KDM2A: variants seen among roughly 807,000 people sequenced by gnomAD.
KDM2A encodes the protein lysine-specific demethylase 2A.
KDM2A carries 3 observed loss-of-function variants against 137.3 expected under a neutral mutation model. The ratio of observed to expected loss-of-function variants is 0.02; its 90% CI spans 0.01 to 0.06. KDM2A has a LOEUF of 0.06. KDM2A is among the 10% of genes least tolerant of loss of function. The pLI is 1.00. For missense variants in KDM2A, 738 were observed against 1,510.6 expected, an observed-to-expected ratio of 0.49 and a Z score of 8.48; for synonymous variants, 512 against 541.5, an observed-to-expected ratio of 0.95 and a Z score of 0.76.
rs760984462 is a variant in KDM2A, at chr11:67,250,518, C to A, written c.2488C>A (p.Arg830Ser). The A allele has an allele frequency of 6.2e-7, 1 of 1,614,032 alleles. No individual in the cohort carries two copies. Among genetic ancestry groups the A allele is most frequent in the Non-Finnish European group, 8.5e-7 (1 of 1,179,900 alleles). ...CATCACGGCCTCCTCTGCCAACCTTCGCCATTCCCCCCGTGTGCTAGTGCA... is the reference window on the plus strand; with the variant it reads ...CATCACGGCCTCCTCTGCCAACCTTAGCCATTCCCCCCGTGTGCTAGTGCA... The part of the protein sequence containing the change: ...QAITASSANL[R>S]HSPRVLVQHC... The change falls in exon 17 of 21, where the codon CGC (arginine) becomes AGC (serine). Residue 830 changes from arginine to serine, a missense_variant. This residue lies in a region of KDM2A where 244 missense variants were observed against 324.6 expected (regional missense o/e 0.75). Coordinates refer to ENST00000529006, the MANE Select transcript of KDM2A (RefSeq NM_012308.3). This position sits in a 1 kb window ranked among gnomAD's most constrained non-coding sequence, Gnocchi z 7.1.
At chr11:67,191,456 T>C (rs969335346) in intron 5 of KDM2A, among the ~76,000 whole-genome samples, 3 of 152,196 alleles carry the variant, frequency 2.0e-5, no homozygotes, top group African/African-American at 7.2e-5. Context: ...AACAAAATAC[T>C]TGCATACTAA....
At chr11:67,169,759 C>CTCTT (rs756503460) in intron 2 of KDM2A, among the ~76,000 whole-genome samples, 1 of 65,696 alleles carries the variant, frequency 1.5e-5, no homozygotes, top group African/African-American at 8.2e-5. Flanking sequence ...CTCTCTCTCT[C>CTCTT]TTTTTTTTTT....
chr11:67,215,242 T>C, intron 6 of KDM2A, 98 bp from the exon 7 acceptor site: 1 of 671,422 alleles, frequency 1.5e-6, no homozygotes, highest in Non-Finnish European at 2.5e-6. Context: ...TAGTTTTTTG[T>C]TATGTATTTT....
chr11:67,167,959 A>T (rs979497586), intron 2 of KDM2A, among the ~76,000 whole-genome samples: 1 of 152,164 alleles, frequency 6.6e-6, no homozygotes, highest in Non-Finnish European at 1.5e-5. Context: ...TAGGGACAAA[A>T]AGTTTTATAT....
chr11:67,245,467 T>A lies in KDM2A; in HGVS notation c.1833+9T>A. On this transcript the variant is annotated intron_variant, in intron 14 of 20. Coordinates refer to ENST00000529006, the MANE Select transcript of KDM2A (RefSeq NM_012308.3). This position sits in a 1 kb window ranked among gnomAD's most constrained non-coding sequence, Gnocchi z 4.1. Reference sequence around the variant, plus strand: ...TCCGACAGTGCTTGGCAGTGAGTGATCTGCTGGGTAAAGAATTTTGGGGAG... The same window carrying A: ...TCCGACAGTGCTTGGCAGTGAGTGAACTGCTGGGTAAAGAATTTTGGGGAG... 6.2e-7 allele frequency: 1 copy of A among 1,611,548 alleles called. No individual in the cohort carries two copies. The highest frequency in any genetic ancestry group is 8.5e-7 in the Non-Finnish European group (1 of 1,178,626).
chr11:67,135,512 G>A (rs1855953449), intron 2 of KDM2A, among the ~76,000 whole-genome samples: 1 of 152,166 alleles, frequency 6.6e-6, no homozygotes, highest in Non-Finnish European at 1.5e-5. Context: ...AGCTGGTTGT[G>A]GCCCTCAGCC....
At chr11:67,214,752 G>A (rs1258665330) in intron 6 of KDM2A, among the ~76,000 whole-genome samples, 1 of 152,220 alleles carries the variant, frequency 6.6e-6, no homozygotes, top group Non-Finnish European at 1.5e-5. Flanking sequence ...GATTGCAGGT[G>A]TGAGCCACTG....
chr11:67,158,097 T>C (rs1460644288), intron 2 of KDM2A, among the ~76,000 whole-genome samples: 3 of 150,700 alleles, frequency 2.0e-5, no homozygotes, highest in Non-Finnish European at 2.9e-5. Context: ...GCACCACTTA[T>C]TCATCCCCTT....
chr11:67,167,636 A>G (rs1467990401), intron 2 of KDM2A, among the ~76,000 whole-genome samples: 3 of 151,712 alleles, frequency 2.0e-5, no homozygotes, highest in Non-Finnish European at 2.9e-5. Context: ...TTTTTTAATC[A>G]AGAGACTTAG....
chr11:67,218,428 A>G (rs1858234923), intron 9 of KDM2A, among the ~76,000 whole-genome samples: 1 of 152,206 alleles, frequency 6.6e-6, no homozygotes, highest in South Asian at 2.1e-4. Flanking sequence ...ATAAATGAGA[A>G]CACATGTAAA....
intron 8 of KDM2A, among the ~76,000 whole-genome samples, chr11:67,217,098 T>A (rs562235535): frequency 9.9e-5 from 15 of 151,402 alleles, no homozygotes; most frequent in African/African-American, 3.6e-4. Flanking sequence ...AAAAATTAGC[T>A]GGGTGTGGTG....
At chr11:67,147,320 G>A (rs1565377607) in intron 2 of KDM2A, among the ~76,000 whole-genome samples, 1 of 151,924 alleles carries the variant, frequency 6.6e-6, no homozygotes, top group South Asian at 2.1e-4. Flanking sequence ...AGGCGGGCCA[G>A]TCATGAGGTC....
In KDM2A at chr11:67,184,736, C is replaced by T. The variant is rs116369021; in HGVS notation, c.307+2844C>T. Among the ~76,000 whole-genome samples, 103 of 152,230 alleles carry T rather than the reference C, an allele frequency of 6.8e-4. 3 individuals carry two copies. The highest frequency in any genetic ancestry group is 2.2e-3 in the African/African-American group (93 of 41,542). On this transcript the variant is annotated intron_variant, in intron 5 of 20. Coordinates refer to ENST00000529006, the MANE Select transcript of KDM2A (RefSeq NM_012308.3). ...AGACTAGCACATTCAGAATAGGAAGCGACTGCATATGCACATGGACGGTCA... is the reference window on the plus strand; with the variant it reads ...AGACTAGCACATTCAGAATAGGAAGTGACTGCATATGCACATGGACGGTCA...
chr11:67,219,863 T>A (rs889827349), intron 10 of KDM2A, among the ~76,000 whole-genome samples: 1 of 152,132 alleles, frequency 6.6e-6, no homozygotes, highest in Non-Finnish European at 1.5e-5. Flanking sequence ...ATAAAAATTT[T>A]AACACGATTT....
chr11:67,167,251 TC>T (rs996298782), intron 2 of KDM2A, among the ~76,000 whole-genome samples: 5 of 152,212 alleles, frequency 3.3e-5, no homozygotes, highest in Admixed American at 3.3e-4. Context: ...CTTATCCTCA[TC>T]TTGAATTGAT....
At position 67,250,876 on chromosome 11, in the gene KDM2A, C is replaced by T. The variant is rs574127117; in HGVS notation, c.2768+78C>T. On this transcript the variant is annotated intron_variant, in intron 17 of 20. Coordinates refer to ENST00000529006, the MANE Select transcript of KDM2A (RefSeq NM_012308.3). The surrounding 1 kb of genome is among the most constrained non-coding windows in gnomAD (Gnocchi z 7.1). ...GTTTTCCATATGAGAACAGCATGCA[C>T]CTTGGCATCTGAAAGCCTGTGGGGT... 9.2e-7 allele frequency: 1 copy of T among 1,091,416 alleles called. No homozygotes were observed. Among genetic ancestry groups the T allele is most frequent in the South Asian group, 1.6e-5 (1 of 63,712 alleles). The allele number at this position is 1,091,416 out of a possible 1,614,324, so 67.6% of individuals were successfully genotyped here.
intron 2 of KDM2A, among the ~76,000 whole-genome samples, chr11:67,159,682 T>C (rs1223089310): frequency 6.6e-6 from 1 of 152,144 alleles, no homozygotes; most frequent in East Asian, 1.9e-4. Flanking sequence ...CACAGAAATA[T>C]TTGACTCAAT....
At chr11:67,227,055 A>T (rs1858568589) in intron 10 of KDM2A, among the ~76,000 whole-genome samples, 1 of 152,188 alleles carries the variant, frequency 6.6e-6, no homozygotes, top group Non-Finnish European at 1.5e-5. Flanking sequence ...CTGGACTGTG[A>T]TATATCTAAA....
At position 67,191,355 on chromosome 11, in the gene KDM2A, G is replaced by A. The variant is rs1857350100; in HGVS notation, c.307+9463G>A. On this transcript the variant is annotated intron_variant, in intron 5 of 20. Transcript: ENST00000529006. ...AACACTTCTTAAGTCTTTCTGTGAG[G>A]CCAGCATTACCCTGATACCAAAGCG... Among the ~76,000 whole-genome samples, 5 of 152,144 alleles carry A rather than the reference G, an allele frequency of 3.3e-5. No individual in the cohort carries two copies. In the South Asian group the frequency reaches 6.2e-4, roughly 19 times the overall value.
Sources: allele counts gnomAD v4.1 joint callset (sites outside exome capture counted in the v4.1 genomes callset), GRCh38; gene constraint gnomAD v4.1.1; regional missense constraint gnomAD v4.1.1; non-coding constraint Gnocchi (gnomAD v3.1); transcripts MANE v1.5; gene names NCBI Gene and HGNC (gene_info 2026-07-23, HGNC 2026-07-21).